ZNF616: variants seen among roughly 807,000 people sequenced by gnomAD.
ZNF616 encodes the protein zinc finger protein 616.
A neutral mutation model predicts 7.6 loss-of-function variants in ZNF616; 5 were observed. The observed-to-expected ratio is 0.66, with a 90% CI of 0.34 to 1.38. The LOEUF is 1.38. Ranked by LOEUF, ZNF616 falls within the 40% of genes most tolerant of loss-of-function variation. The pLI, the probability that ZNF616 is intolerant of heterozygous loss-of-function variation, is 0.04. For synonymous variants in ZNF616, 319 were observed against 317.2 expected (o/e 1.01, Z -0.06); for missense variants, 913 against 948.3 (o/e 0.96, Z 0.49).
At chr19:52,118,924 T>C (rs924058299) in intron 3 of ZNF616, among the ~76,000 whole-genome samples, 5 of 152,208 alleles carry the variant, frequency 3.3e-5, no homozygotes, top group Non-Finnish European at 7.3e-5. Context: ...GATATGCACC[T>C]ACGTTTGCAG....
At chr19:52,119,014 T>C (rs141919720) in intron 3 of ZNF616, among the ~76,000 whole-genome samples, 1 of 152,250 alleles carries the variant, frequency 6.6e-6, no homozygotes, top group East Asian at 1.9e-4. Context: ...TAAGAGTGTA[T>C]AAAGAAATAC....
intron 1 of ZNF616, among the ~76,000 whole-genome samples, chr19:52,130,996 C>T (rs376350158): frequency 1.8e-4 from 28 of 152,136 alleles, no homozygotes; most frequent in East Asian, 7.7e-4. Flanking sequence ...GGGCTGGGAG[C>T]GGTGGCTCAT....
intron 2 of ZNF616, among the ~76,000 whole-genome samples, chr19:52,126,730 C>CT (rs1219477931): frequency 6.6e-6 from 1 of 152,112 alleles, no homozygotes; most frequent in African/African-American, 2.4e-5. Context: ...GATCATGCCA[C>CT]TGCACTCCAG....
rs181507260 is a variant in ZNF616 at position 52,138,214 on chromosome 19, C to G, written c.-77+1518G>C. On this transcript the variant is annotated intron_variant, in intron 1 of 3. Coordinates refer to ENST00000600228, the MANE Select transcript of ZNF616 (RefSeq NM_178523.5). ...AGTCAGTCATTTCTTGCCTATTTCT[C>G]TCCTCCTCCATCCTCTACTCCCTCC... Among the ~76,000 whole-genome samples, 133 of 152,328 alleles carry G rather than the reference C, an allele frequency of 8.7e-4. 1 individual carries two copies. The highest frequency in any genetic ancestry group is 5.9e-5 in the Non-Finnish European group (4 of 68,028).
At chr19:52,130,061 C>T (rs1011330582) in intron 2 of ZNF616, among the ~76,000 whole-genome samples, 8 of 152,196 alleles carry the variant, frequency 5.3e-5, no homozygotes, top group Admixed American at 3.9e-4. Flanking sequence ...GCATGAGACA[C>T]GGCGCCTGGC....
chr19:52,129,453 T>C (rs73934990), intron 2 of ZNF616, among the ~76,000 whole-genome samples: 11,968 of 152,116 alleles, frequency 0.079, 1,418 homozygotes, highest in African/African-American at 0.26. Flanking sequence ...AGTGAGAGAA[T>C]TTGGCTCCAT....
At chr19:52,119,063 C>T (rs1041037615) in intron 3 of ZNF616, among the ~76,000 whole-genome samples, 2 of 152,124 alleles carry the variant, frequency 1.3e-5, no homozygotes, top group African/African-American at 4.8e-5. Flanking sequence ...CATTATTCAG[C>T]CATCCCCATG....
In ZNF616 at chr19:52,114,983, C is replaced by T; in HGVS notation, c.2181G>A (p.Gly727=). Residue 727 remains glycine, a synonymous_variant, in exon 4 of 4, where the codon GGG becomes GGA. Transcript: ENST00000600228. ...YKCIECGKAF[G]RLFSLSKHQR... ...GGTGTTTGCTGAGGGAAAACAACCG[C>T]CCAAAGGCTTTGCCACATTCAATAC... 6.2e-7 allele frequency: 1 copy of T among 1,614,168 alleles called. No individual in the cohort carries two copies. The highest frequency in any genetic ancestry group is 8.5e-7 in the Non-Finnish European group (1 of 1,180,018).
intron 2 of ZNF616, among the ~76,000 whole-genome samples, chr19:52,129,786 A>AT (rs36052704): frequency 0.063 from 9,105 of 144,564 alleles, 513 homozygotes; most frequent in South Asian, 0.26. Flanking sequence ...CCTTTTCCAT[A>AT]TTTTTTTTTT....
At position 52,114,780 on chromosome 19, in the gene ZNF616, T is replaced by C. The variant is rs1423521217; in HGVS notation, c.*38A>G. The C allele has an allele frequency of 6.5e-7, 1 of 1,529,600 alleles. No homozygotes were observed. The highest frequency in any genetic ancestry group is 8.7e-7 in the Non-Finnish European group (1 of 1,143,164). The allele number at this position is 1,529,600 out of a possible 1,614,324, so 94.8% of individuals were successfully genotyped here. On this transcript the variant is annotated 3_prime_UTR_variant, in exon 4 of 4. Transcript: ENST00000600228. Reference sequence around the variant, plus strand: ...TAAATATACAAGGTATATCAGTAAGTAGGAATTATTCGGTGATTCCAGAAA... The same window carrying C: ...TAAATATACAAGGTATATCAGTAAGCAGGAATTATTCGGTGATTCCAGAAA...
chr19:52,122,924 G>A (rs907419582), intron 3 of ZNF616, among the ~76,000 whole-genome samples: 2 of 152,112 alleles, frequency 1.3e-5, no homozygotes, highest in African/African-American at 4.8e-5. Context: ...GTGAGCCACC[G>A]TGCCCGGTCT....
chr19:52,115,500 C>T lies in ZNF616; in HGVS notation c.1664G>A (p.Gly555Asp), dbSNP rs1467564095. 8 of 1,614,210 alleles carry T rather than the reference C, an allele frequency of 5.0e-6. No individual in the cohort carries two copies. The South Asian group carries it at 8.8e-5, about 18-fold the overall frequency. The stretch of plus-strand genomic sequence containing the variant: ...ACGTGAACATTGACTGAAGACCTTG[C>T]CACATTCTTTGCATTTGTAAGGCTT... ...GEKPYKCKECGKVFSQCSRLT... is the reference protein window; with the variant it reads ...GEKPYKCKECDKVFSQCSRLT... Residue 555 changes from glycine to aspartate, a missense_variant, in exon 4 of 4, where the codon GGC (glycine) becomes GAC (aspartate). Coordinates refer to ENST00000600228, the MANE Select transcript of ZNF616 (RefSeq NM_178523.5).
chr19:52,127,063 T>TG (rs1412288668), intron 2 of ZNF616, among the ~76,000 whole-genome samples: 1 of 152,106 alleles, frequency 6.6e-6, no homozygotes, highest in Non-Finnish European at 1.5e-5. Context: ...TGGGAATTTT[T>TG]TTTTTTTTTA....
intron 2 of ZNF616, among the ~76,000 whole-genome samples, chr19:52,127,199 C>G (rs116313418): frequency 0.04 from 6,066 of 152,078 alleles, 390 homozygotes; most frequent in African/African-American, 0.13. Context: ...AGATTAAAGA[C>G]GTGCACCATC....
At chr19:52,127,449 G>C (rs1402765963) in intron 2 of ZNF616, among the ~76,000 whole-genome samples, 1 of 152,144 alleles carries the variant, frequency 6.6e-6, no homozygotes, top group Non-Finnish European at 1.5e-5. Flanking sequence ...CAATCTACTT[G>C]TGAACCTATT....
Position 52,124,050 on chromosome 19 carries a change from C to T in ZNF616, c.13-1G>A, listed in dbSNP as rs139760067. On this transcript the variant is annotated splice_acceptor_variant, in intron 2 of 3. Coordinates refer to ENST00000600228, the MANE Select transcript of ZNF616 (RefSeq NM_178523.5). LOFTEE classifies it high-confidence loss of function. ...CTACATCCTTGAATGTCAAATGCCC[C>T]TGAAATGAAAAACACATTTCAAAAA... The T allele has an allele frequency of 1.1e-4, 177 of 1,593,288 alleles. No individual in the cohort carries two copies. Among genetic ancestry groups the T allele is most frequent in the Non-Finnish European group, 1.5e-4 (173 of 1,174,856 alleles).
chr19:52,132,984 T>C (rs886577468), intron 1 of ZNF616, among the ~76,000 whole-genome samples: 4 of 151,276 alleles, frequency 2.6e-5, no homozygotes, highest in African/African-American at 9.7e-5. Context: ...GTCAGGGAGG[T>C]GACAAGAAAA....
intron 1 of ZNF616, among the ~76,000 whole-genome samples, chr19:52,130,837 C>T (rs1044445923): frequency 2.6e-5 from 4 of 152,260 alleles, no homozygotes; most frequent in African/African-American, 9.6e-5. Context: ...ACTGAGCTCC[C>T]ATTCAGGGCA....
chr19:52,116,962 T>C lies in ZNF616; in HGVS notation c.202A>G (p.Arg68Gly), dbSNP rs1481878071. The C allele has an allele frequency of 6.2e-7, 1 of 1,612,462 alleles. No individual in the cohort carries two copies. Among genetic ancestry groups the C allele is most frequent in the Non-Finnish European group, 8.5e-7 (1 of 1,179,562 alleles). Residue 68 changes from arginine to glycine, a missense_variant, in exon 4 of 4, where the codon AGG becomes GGG. Physicochemically the swap from Arg to Gly is moderately radical, Grantham distance 125. Transcript: ENST00000600228. Reference protein sequence around the residue: ...PPTENSNTGERFQTVALERHQ... With the variant: ...PPTENSNTGEGFQTVALERHQ... ...CTTTCCAGTGCCACTGTTTGGAACC[T>C]TTCTCCTGTATTACTGTTCTCTGTT...
Sources: gnomAD v4.1 joint callset for allele counts (sites outside exome capture counted in the v4.1 genomes callset) on GRCh38, gnomAD v4.1.1 for gene constraint, MANE v1.5 for transcripts, NCBI Gene and HGNC (gene_info 2026-07-23, HGNC 2026-07-21) for gene names.